The following PM20D2 variants were observed in gnomAD, a reference collection of about 807,000 sequenced individuals.
PM20D2 encodes xaa-Arg dipeptidase.
Under a neutral mutation model 42.9 loss-of-function variants are expected in PM20D2, and 33 were observed. The observed-to-expected ratio is 0.77, with a 90% CI of 0.58 to 1.03. The LOEUF (loss-of-function observed/expected upper bound fraction) is 1.03, where lower values mean the gene tolerates loss of function less well. Ranked by LOEUF, PM20D2 falls within the 50% of genes least tolerant of loss-of-function variation. PM20D2 has a pLI of 0.00. For missense variants in PM20D2, 548 were observed against 557.0 expected (o/e 0.98, Z 0.16); for synonymous variants, 250 against 228.2 (o/e 1.10, Z -0.86).
chr6:89,136,252 C>T, the PM20D2 span, among the ~76,000 whole-genome samples: 15 of 151,304 alleles, frequency 9.9e-5, no homozygotes, highest in South Asian at 2.1e-3. Context: ...GACCAAGAGA[C>T]GTCCTTACCA....
chr6:89,149,177 G>A, intron 1 of PM20D2, 88 bp from the exon 2 acceptor site: 1 of 1,469,714 alleles, frequency 6.8e-7, no homozygotes, highest in South Asian at 1.3e-5. Flanking sequence ...CTTTAATGTA[G>A]ATTGTGAATA....
chr6:89,157,326 GC>G (rs746797052), intron 4 of PM20D2, among the ~76,000 whole-genome samples: 2 of 152,146 alleles, frequency 1.3e-5, no homozygotes, highest in Non-Finnish European at 2.9e-5. Context: ...CGTAGATGTT[GC>G]TAAGAATAAA....
chr6:89,157,654 T>C (rs1771096611), intron 4 of PM20D2, among the ~76,000 whole-genome samples: 1 of 152,210 alleles, frequency 6.6e-6, no homozygotes, highest in African/African-American at 2.4e-5. Flanking sequence ...AGAGCAGTGT[T>C]CCTCAGAGTG....
At chr6:89,147,237 TA>T (rs1451248040) in intron 1 of PM20D2, among the ~76,000 whole-genome samples, 1 of 152,238 alleles carries the variant, frequency 6.6e-6, no homozygotes, top group African/African-American at 2.4e-5. Context: ...CTCGACTCTT[TA>T]AACAGGGAAA....
the PM20D2 span, among the ~76,000 whole-genome samples, chr6:89,133,344 C>A: frequency 6.6e-6 from 1 of 151,156 alleles, no homozygotes; most frequent in South Asian, 2.1e-4. Flanking sequence ...ATATAAATCT[C>A]ATAATTATTT....
the PM20D2 span, among the ~76,000 whole-genome samples, chr6:89,110,400 C>T: frequency 2.0e-5 from 3 of 152,148 alleles, no homozygotes; most frequent in African/African-American, 7.2e-5. Context: ...ACTGGTTACT[C>T]GGTTACACCC....
the PM20D2 span, chr6:89,105,203 C>G: frequency 1.2e-6 from 2 of 1,612,290 alleles, no homozygotes; most frequent in South Asian, 2.2e-5. Flanking sequence ...GCTTCTTGAT[C>G]TCCTGTGATC....
chr6:89,129,227 G>A, the PM20D2 span, among the ~76,000 whole-genome samples: 1 of 152,012 alleles, frequency 6.6e-6, no homozygotes, highest in Non-Finnish European at 1.5e-5. Flanking sequence ...GAGGGAGAAT[G>A]GGGAGTAAAG....
the PM20D2 span, among the ~76,000 whole-genome samples, chr6:89,095,148 A>ATC: frequency 6.6e-6 from 1 of 152,180 alleles, no homozygotes; most frequent in African/African-American, 2.4e-5. Context: ...AGTAACATAT[A>ATC]TCTATCTATA....
the PM20D2 span, among the ~76,000 whole-genome samples, chr6:89,103,082 T>A: frequency 6.6e-6 from 1 of 151,954 alleles, no homozygotes; most frequent in African/African-American, 2.4e-5. Context: ...GTTTTTAAAA[T>A]GAGAAAAACT....
the PM20D2 span, chr6:89,098,032 T>A: frequency 6.6e-6 from 1 of 152,390 alleles, no homozygotes; most frequent in Non-Finnish European, 1.5e-5. Context: ...AGAGAATGTA[T>A]CTTTTGAATG....
Position 89,146,273 on chromosome 6 carries a change from C to T in PM20D2, c.129C>T (p.Arg43=). Residue 43 remains arginine (R), a synonymous_variant, in exon 1 of 7, where the codon CGC becomes CGT. Transcript: ENST00000275072. Reference sequence around the variant, plus strand: ...CCGAGCGGCTGGGGGCCCTGAGCCGCGCGATCTGGAGCCAGCCCGAGCTGG... The same window carrying T: ...CCGAGCGGCTGGGGGCCCTGAGCCGTGCGATCTGGAGCCAGCCCGAGCTGG... ...EAAERLGALS[R]AIWSQPELAY... 6 of 1,581,018 alleles carry T rather than the reference C, an allele frequency of 3.8e-6. No individual in the cohort carries two copies. Among genetic ancestry groups the T allele is most frequent in the Non-Finnish European group, 4.3e-6 (5 of 1,171,814 alleles).
At chr6:89,095,916 T>C in the PM20D2 span, 3 of 152,192 alleles carry the variant, frequency 2.0e-5, no homozygotes, top group Non-Finnish European at 2.9e-5. Context: ...TGGGAAGTAC[T>C]TAAATAAATA....
rs551509277 is a variant in PM20D2 at position 89,165,526 on chromosome 6, A to T, written c.*3263A>T. On this transcript the variant is annotated 3_prime_UTR_variant, in exon 7 of 7. Transcript: ENST00000275072. ...TTTTTTGTAATAATAGGTACATAAA[A>T]TGTGTATGAAAAATCTACAATAAAC... The T allele has an allele frequency of 6.6e-6, 1 of 152,354 alleles. No individual in the cohort carries two copies. Among genetic ancestry groups the T allele is most frequent in the East Asian group, 1.9e-4 (1 of 5,192 alleles). The allele number at this position is 152,354 out of a possible 1,614,324, so 9.4% of individuals were successfully genotyped here. A position where few individuals can be genotyped will look rare whatever the true frequency, so the allele number is the denominator to read the frequency against.
Position 89,150,382 on chromosome 6 carries a change from G to A in PM20D2, c.614+969G>A, listed in dbSNP as rs1245744261. Reference sequence around the variant, plus strand: ...AAATCTCTGCCCTTGCCTTTGACTAGAAGGGGCCTGCATATGCAGGCAGGC... The same window carrying A: ...AAATCTCTGCCCTTGCCTTTGACTAAAAGGGGCCTGCATATGCAGGCAGGC... On this transcript the variant is annotated intron_variant, in intron 2 of 6. Coordinates refer to ENST00000275072, the MANE Select transcript of PM20D2 (RefSeq NM_001010853.3). Among the ~76,000 whole-genome samples the A allele has an allele frequency of 2.6e-5, 4 of 152,196 alleles. No individual in the cohort carries two copies. The East Asian group carries it at 7.7e-4, about 29-fold the overall frequency.
At position 89,154,853 on chromosome 6, in the gene PM20D2, A is replaced by C; in HGVS notation, c.863A>C (p.Lys288Thr). Residue 288 changes from lysine to threonine, a missense_variant, in exon 4 of 7, where the codon AAA becomes ACA. Lys to Thr is a moderately conservative substitution (Grantham distance 78). Around this residue, in one of 3 missense-constraint regions of PM20D2, gnomAD observed 470 missense variants for 464.4 expected, o/e 1.01. Transcript: ENST00000275072. ...PSMKELQVLT[K>T]KAEDCFRAAA... ...ATGAAAGAACTTCAAGTTTTGACCA[A>C]AAAGGCAGAAGATTGCTTCAGAGCT... 6.2e-7 allele frequency: 1 copy of C among 1,609,312 alleles called. No homozygotes were observed. Among genetic ancestry groups the C allele is most frequent in the Non-Finnish European group, 8.5e-7 (1 of 1,178,312 alleles).
chr6:89,099,777 C>T, the PM20D2 span, among the ~76,000 whole-genome samples: 1 of 152,016 alleles, frequency 6.6e-6, no homozygotes, highest in Non-Finnish European at 1.5e-5. Context: ...TCAGGTTATC[C>T]CCCTGCCTCG....
chr6:89,125,783 C>A, the PM20D2 span, among the ~76,000 whole-genome samples: 23 of 143,364 alleles, frequency 1.6e-4, no homozygotes, highest in South Asian at 6.7e-4. Context: ...AACTCTGTCT[C>A]AAAAAAAAAA....
chr6:89,130,550 A>G, the PM20D2 span, among the ~76,000 whole-genome samples: 3 of 152,194 alleles, frequency 2.0e-5, no homozygotes, highest in African/African-American at 7.2e-5. Flanking sequence ...CATTTCTCCT[A>G]TCAGTCAGTC....
Sources: allele counts gnomAD v4.1 joint callset (sites outside exome capture counted in the v4.1 genomes callset), GRCh38; gene constraint gnomAD v4.1.1; regional missense constraint gnomAD v4.1.1; transcripts MANE v1.5; gene names NCBI Gene and HGNC (gene_info 2026-07-23, HGNC 2026-07-21).